Variants in PCGF6 observed in about 807,000 individuals in gnomAD.
The protein encoded by PCGF6 is polycomb group ring finger 6.
Under a neutral mutation model 45.5 loss-of-function variants are expected in PCGF6, and 24 were observed. The ratio of observed to expected loss-of-function variants is 0.53; its 90% CI spans 0.38 to 0.74. PCGF6 has a LOEUF of 0.74. Among genes scored for constraint, PCGF6 ranks in the 30% least tolerant of loss-of-function variants. The pLI, the probability that PCGF6 is intolerant of heterozygous loss-of-function variation, is 0.00. For synonymous variants in PCGF6, 152 were observed against 162.1 expected (o/e 0.94, Z 0.47); for missense variants, 356 against 443.2 (o/e 0.80, Z 1.77).
At chr10:103,325,104 C>T (rs972384699) in intron 8 of PCGF6, among the ~76,000 whole-genome samples, 5 of 151,548 alleles carry the variant, frequency 3.3e-5, no homozygotes, top group Admixed American at 3.3e-4. Flanking sequence ...CATTGCACTC[C>T]AGCCTGGGCA....
intron 8 of PCGF6, among the ~76,000 whole-genome samples, chr10:103,318,630 A>T (rs1361185542): frequency 6.6e-6 from 1 of 151,878 alleles, no homozygotes; most frequent in Non-Finnish European, 1.5e-5. Flanking sequence ...CTGTAATCCC[A>T]GCTACTCAGG....
chr10:103,346,476 T>C (rs1347076606), intron 5 of PCGF6, among the ~76,000 whole-genome samples: 1 of 151,884 alleles, frequency 6.6e-6, no homozygotes, highest in Non-Finnish European at 1.5e-5. Context: ...ATACAAAAAT[T>C]AGCTTGGCGT....
Position 103,350,769 on chromosome 10 carries a change from C to T in PCGF6, c.298G>A (p.Asp100Asn). The T allele has an allele frequency of 6.5e-7, 1 of 1,539,402 alleles. No homozygotes were observed. The highest frequency in any genetic ancestry group is 8.8e-7 in the Non-Finnish European group (1 of 1,141,352). Reference sequence around the variant, plus strand: ...AGCCTCAACGAGAAGTGACTCATGTCCTCCTCCTCCTCCTCTTCTTCCTCC... The same window carrying T: ...AGCCTCAACGAGAAGTGACTCATGTTCTCCTCCTCCTCCTCTTCTTCCTCC... ...LEEEEEEEEE[D>N]MSHFSLRLEG... Residue 100 changes from aspartate (D) to asparagine (N), a missense_variant, in exon 1 of 10, where the codon GAC becomes AAC. This residue lies in a region of PCGF6 where 307 missense variants were observed against 350.1 expected (regional missense o/e 0.88). Transcript: ENST00000369847.
chr10:103,348,541 T>A (rs2093308111), intron 3 of PCGF6, 175 bp downstream of exon 3: 1 of 477,380 alleles, frequency 2.1e-6, no homozygotes, highest in Non-Finnish European at 3.7e-6. Context: ...GCCAGGTTGG[T>A]CTTGAACTCC....
intron 7 of PCGF6, among the ~76,000 whole-genome samples, chr10:103,333,723 A>G (rs1431078740): frequency 2.0e-5 from 3 of 152,180 alleles, no homozygotes; most frequent in African/African-American, 7.2e-5. Context: ...TTTAAAAAGT[A>G]TTCACTTAAT....
chr10:103,332,975 G>A (rs772355689), intron 7 of PCGF6, among the ~76,000 whole-genome samples: 17 of 152,120 alleles, frequency 1.1e-4, no homozygotes, highest in African/African-American at 3.4e-4. Context: ...TTAGCTGGGC[G>A]TGGTGGTGCA....
intron 9 of PCGF6, among the ~76,000 whole-genome samples, chr10:103,312,216 AC>A (rs970556501): frequency 1.8e-4 from 28 of 151,886 alleles, no homozygotes; most frequent in Middle Eastern, 6.8e-3. Context: ...ACACAGTGAA[AC>A]CCCGTCTCTA....
intron 6 of PCGF6, 49 bp from the exon 7 acceptor site, chr10:103,334,001 T>C: frequency 1.6e-6 from 2 of 1,248,854 alleles, no homozygotes; most frequent in South Asian, 1.7e-5. Flanking sequence ...TTAAGCTATA[T>C]GTTTAATCAT....
chr10:103,338,063 C>CAAAAAA (rs35839501), intron 6 of PCGF6, among the ~76,000 whole-genome samples: 2 of 26,850 alleles, frequency 7.4e-5, no homozygotes, highest in African/African-American at 1.4e-4. Context: ...GACTCCGTCT[C>CAAAAAA]AAAAAAAAAA....
chr10:103,329,052 A>C (rs1172789906), intron 7 of PCGF6, among the ~76,000 whole-genome samples: 2 of 79,470 alleles, frequency 2.5e-5, no homozygotes, highest in South Asian at 7.6e-4. Flanking sequence ...GCGGATTTTA[A>C]CTTTTGAGAT....
intron 9 of PCGF6, among the ~76,000 whole-genome samples, chr10:103,309,671 C>T (rs2093149583): frequency 6.6e-6 from 1 of 152,118 alleles, no homozygotes; most frequent in Non-Finnish European, 1.5e-5. Flanking sequence ...TGGCTCACAC[C>T]TATAATCCCA....
rs1391651501 is a variant in PCGF6 at position 103,349,126 on chromosome 10, C to G, written c.361-127G>C. The G allele has an allele frequency of 7.0e-6, 5 of 716,046 alleles. No homozygotes were observed. The African/African-American group carries it at 9.0e-5, about 13-fold the overall frequency. 44.4% of individuals were successfully genotyped at this position (716,046 alleles called of 1,614,324 possible). A position where few individuals can be genotyped will look rare whatever the true frequency, so the allele number is the denominator to read the frequency against. On this transcript the variant is annotated intron_variant, in intron 1 of 9. Transcript: ENST00000369847. ...GCAGTGATGTCATCTCGGTTCACTG[C>G]AACCTCCGCCTCCTGGATTAAAGCG...
intron 9 of PCGF6, among the ~76,000 whole-genome samples, chr10:103,310,842 A>AT (rs1266674912): frequency 6.6e-6 from 1 of 152,154 alleles, no homozygotes; most frequent in Admixed American, 6.6e-5. Context: ...AGTTGGGACT[A>AT]TAGGCATGTG....
At chr10:103,338,648 C>G (rs1159772375) in intron 6 of PCGF6, among the ~76,000 whole-genome samples, 2 of 151,866 alleles carry the variant, frequency 1.3e-5, no homozygotes, top group African/African-American at 2.4e-5. Context: ...GGGTGAATCA[C>G]CTGAGGTCAG....
chr10:103,304,610 G>A (rs2093131157), intron 9 of PCGF6, among the ~76,000 whole-genome samples: 1 of 151,200 alleles, frequency 6.6e-6, no homozygotes, highest in African/African-American at 2.4e-5. Context: ...CACAGTGCTG[G>A]GATTAGAGGC....
chr10:103,304,064 A>C, intron 9 of PCGF6, 103 bp from the exon 10 acceptor site: 1 of 856,816 alleles, frequency 1.2e-6, no homozygotes, highest in Non-Finnish European at 1.9e-6. Flanking sequence ...TCTAACACTA[A>C]GGTGAAATTC....
intron 7 of PCGF6, among the ~76,000 whole-genome samples, chr10:103,327,921 C>T (rs532206462): frequency 5.3e-5 from 8 of 151,788 alleles, no homozygotes; most frequent in Non-Finnish European, 7.4e-5. Flanking sequence ...GTGATCCACC[C>T]GCCTCAGCCT....
intron 8 of PCGF6, among the ~76,000 whole-genome samples, chr10:103,319,343 G>A (rs1405251872): frequency 6.6e-6 from 1 of 151,964 alleles, no homozygotes; most frequent in East Asian, 1.9e-4. Flanking sequence ...AGTAGAGACG[G>A]GGTTTCACCA....
intron 7 of PCGF6, among the ~76,000 whole-genome samples, chr10:103,327,747 T>C (rs1414742266): frequency 6.6e-6 from 1 of 151,842 alleles, no homozygotes; most frequent in African/African-American, 2.4e-5. Flanking sequence ...CAATCTCAGC[T>C]CACTGCAAGC....
Sources: allele counts gnomAD v4.1 joint callset (sites outside exome capture counted in the v4.1 genomes callset), GRCh38; gene constraint gnomAD v4.1.1; regional missense constraint gnomAD v4.1.1; transcripts MANE v1.5; gene names NCBI Gene and HGNC (gene_info 2026-07-23, HGNC 2026-07-21).